HSD17B3: variants seen among roughly 807,000 people sequenced by gnomAD.
HSD17B3 encodes the protein 17-beta-hydroxysteroid dehydrogenase type 3.
Under a neutral mutation model 41.1 loss-of-function variants are expected in HSD17B3, and 29 were observed. That is an observed-to-expected ratio of 0.71 (90% confidence interval 0.53 to 0.96). The LOEUF is 0.96. Among genes scored for constraint, HSD17B3 ranks in the 40% least tolerant of loss-of-function variants. The pLI is 0.00. For missense variants in HSD17B3, 323 were observed against 374.6 expected (o/e 0.86, Z 1.14); for synonymous variants, 126 against 145.6 (o/e 0.87, Z 0.97).
chr9:96,254,890 T>C lies in HSD17B3; in HGVS notation c.255A>G (p.Leu85=), dbSNP rs780009072. The part of the protein sequence containing the change: ...VVLISRTLEK[L]EAIATEIERT... Reference sequence around the variant, plus strand: ...CACCGATCTCTGTGGCAATGGCCTCTAGTTTTTCCAGCGTCCGGCTAATAA... The same window carrying C: ...CACCGATCTCTGTGGCAATGGCCTCCAGTTTTTCCAGCGTCCGGCTAATAA... The change falls in exon 3 of 11, where the codon CTA becomes CTG. Residue 85 remains leucine (L), a synonymous_variant. Transcript: ENST00000375263. 6.8e-6 allele frequency: 11 copies of C among 1,614,116 alleles called. No homozygotes were observed. The South Asian group carries it at 1.2e-4, about 18-fold the overall frequency.
At chr9:96,298,350 G>A (rs1256364761) in intron 2 of HSD17B3, 66 bp downstream of exon 2, 2 of 1,218,624 alleles carry the variant, frequency 1.6e-6, no homozygotes, top group Admixed American at 3.4e-5. Context: ...TAGTGTTGGG[G>A]TGGATGTCTC....
At chr9:96,250,080 A>G (rs1564028958) in intron 5 of HSD17B3, 2 of 1,371,030 alleles carry the variant, frequency 1.5e-6, no homozygotes, top group Non-Finnish European at 1.9e-6. Context: ...CGGTTTTTCA[A>G]AGGGAGCTAC....
intron 2 of HSD17B3, among the ~76,000 whole-genome samples, chr9:96,282,274 G>A (rs1001408063): frequency 6.6e-6 from 1 of 151,976 alleles, no homozygotes; most frequent in South Asian, 2.1e-4. Context: ...ATATAAAAGA[G>A]CTTTGATTAA....
chr9:96,243,823 G>A (rs547986989), intron 9 of HSD17B3, among the ~76,000 whole-genome samples: 4 of 152,290 alleles, frequency 2.6e-5, no homozygotes, highest in South Asian at 4.1e-4. Context: ...TCACCTGCTC[G>A]AGAACCAGAG....
At chr9:96,254,758 C>T in intron 3 of HSD17B3, 110 bp downstream of exon 3, 1 of 929,456 alleles carries the variant, frequency 1.1e-6, no homozygotes, top group Non-Finnish European at 1.7e-6. Flanking sequence ...AGCTGGTGCC[C>T]CAGGCTCTGA....
At chr9:96,240,162 C>G (rs1344721238) in intron 10 of HSD17B3, among the ~76,000 whole-genome samples, 1 of 152,166 alleles carries the variant, frequency 6.6e-6, no homozygotes, top group Non-Finnish European at 1.5e-5. Flanking sequence ...ATAGGTGCAG[C>G]AAACCACCAT....
In HSD17B3 at chr9:96,302,172, G is replaced by A; in HGVS notation, c.-68C>T. On this transcript the variant is annotated 5_prime_UTR_variant, in exon 1 of 11. Coordinates refer to ENST00000375263, the MANE Select transcript of HSD17B3 (RefSeq NM_000197.2). ...TGTGTATGCCTCCTGGGACCACGCTGCTCTGGAGACCTCCAGATCTTCTTC... is the reference window on the plus strand; with the variant it reads ...TGTGTATGCCTCCTGGGACCACGCTACTCTGGAGACCTCCAGATCTTCTTC... 2 of 1,521,968 alleles carry A rather than the reference G, an allele frequency of 1.3e-6. No homozygotes were observed. The highest frequency in any genetic ancestry group is 3.6e-5 in the Admixed American group (2 of 55,030). The allele number at this position is 1,521,968 out of a possible 1,614,324, so 94.3% of individuals were successfully genotyped here.
At chr9:96,245,465 C>T (rs780440933) in intron 7 of HSD17B3, 39 bp from the exon 8 acceptor site, 13 of 1,463,918 alleles carry the variant, frequency 8.9e-6, no homozygotes, top group Non-Finnish European at 1.2e-5. Flanking sequence ...GGCTTTGTTG[C>T]CCTACCTGAC....
intron 2 of HSD17B3, among the ~76,000 whole-genome samples, chr9:96,267,452 C>G (rs572765408): frequency 6.6e-6 from 1 of 152,198 alleles, no homozygotes; most frequent in East Asian, 1.9e-4. Flanking sequence ...GTCACCGTGC[C>G]TGGCCAACCA....
chr9:96,288,886 G>A (rs565780772), intron 2 of HSD17B3, among the ~76,000 whole-genome samples: 172 of 150,514 alleles, frequency 1.1e-3, no homozygotes, highest in Non-Finnish European at 1.6e-3. Context: ...GCAATGAGCC[G>A]AAATTGCGCC....
intron 6 of HSD17B3, 44 bp downstream of exon 6, chr9:96,249,707 G>C: frequency 6.3e-7 from 1 of 1,594,234 alleles, no homozygotes; most frequent in Non-Finnish European, 8.6e-7. Context: ...CAAATTTCAA[G>C]TTACTACATG....
At chr9:96,236,818 A>G (rs1473485260) in intron 10 of HSD17B3, among the ~76,000 whole-genome samples, 1 of 152,156 alleles carries the variant, frequency 6.6e-6, no homozygotes, top group Non-Finnish European at 1.5e-5. Flanking sequence ...CCAGGACCCC[A>G]GAAGCAATCA....
intron 10 of HSD17B3, chr9:96,239,307 A>G (rs1471136629): frequency 6.6e-6 from 1 of 152,228 alleles, no homozygotes; most frequent in Non-Finnish European, 1.5e-5. Context: ...TTCTCCCTAA[A>G]TAACAGACTA....
At chr9:96,297,525 T>G (rs1827414364) in intron 2 of HSD17B3, among the ~76,000 whole-genome samples, 2 of 152,052 alleles carry the variant, frequency 1.3e-5, no homozygotes, top group Admixed American at 6.6e-5. Flanking sequence ...TTTTGTATTT[T>G]AAGTAGAGAT....
At chr9:96,282,089 C>T (rs553306317) in intron 2 of HSD17B3, among the ~76,000 whole-genome samples, 3 of 152,038 alleles carry the variant, frequency 2.0e-5, no homozygotes, top group Non-Finnish European at 2.9e-5. Context: ...CCTGTAAGCC[C>T]GCTTTTCAAG....
At chr9:96,244,890 T>G (rs535001352) in intron 8 of HSD17B3, among the ~76,000 whole-genome samples, 12 of 152,254 alleles carry the variant, frequency 7.9e-5, no homozygotes, top group African/African-American at 2.9e-4. Context: ...TCCCCCGGTC[T>G]GGGAAGAGGA....
chr9:96,238,727 G>T (rs1409211358), intron 10 of HSD17B3, among the ~76,000 whole-genome samples: 1 of 152,188 alleles, frequency 6.6e-6, no homozygotes, highest in African/African-American at 2.4e-5. Flanking sequence ...AAAGAGAAAG[G>T]CGTGGTCAGA....
intron 2 of HSD17B3, 102 bp downstream of exon 2, chr9:96,298,314 G>A: frequency 1.1e-6 from 1 of 884,112 alleles, no homozygotes; most frequent in Non-Finnish European, 1.9e-6. Context: ...TTAAATGAAT[G>A]CATACTGCTT....
chr9:96,255,367 C>CTTTTT lies in HSD17B3; in HGVS notation c.202-429_202-425dup, dbSNP rs869145717. The stretch of plus-strand genomic sequence containing the variant: ...AAGCAGTGTTTCTGCCCCAACATTT[C>CTTTTT]TTTTTTTTTTTTTTTTTTTTTTTTT... On this transcript the variant is annotated intron_variant, in intron 2 of 10. Transcript: ENST00000375263. 3.2e-3 allele frequency among the ~76,000 whole-genome samples: 174 copies of CTTTTT among 54,562 alleles called. 24 individuals are homozygous for CTTTTT. The highest frequency in any genetic ancestry group is 4.4e-3 in the Non-Finnish European group (129 of 29,472). 35.8% of individuals were successfully genotyped at this position (54,562 alleles called of 152,430 possible).
Sources: gnomAD v4.1 joint callset for allele counts (sites outside exome capture counted in the v4.1 genomes callset) on GRCh38, gnomAD v4.1.1 for gene constraint, MANE v1.5 for transcripts, NCBI Gene and HGNC (gene_info 2026-07-23, HGNC 2026-07-21) for gene names.